SBF2: variants seen among roughly 807,000 people sequenced by gnomAD.
SBF2 encodes myotubularin-related protein 13.
A neutral mutation model predicts 225.2 loss-of-function variants in SBF2; 112 were observed. That is an observed-to-expected ratio of 0.50 (90% CI 0.43 to 0.58). SBF2 has a LOEUF of 0.58. SBF2 is among the 20% of genes least tolerant of loss of function. The probability of loss-of-function intolerance (pLI) is 0.00; values close to 1 mark genes in which losing one functional copy is unlikely to be tolerated. For missense variants in SBF2, 1,996 were observed against 2,206.2 expected, an observed-to-expected ratio of 0.90 and a Z score of 1.91; for synonymous variants, 763 against 773.3, an observed-to-expected ratio of 0.99 and a Z score of 0.22.
In SBF2 at chr11:9,789,135, G is replaced by A; in HGVS notation, c.4906C>T (p.Pro1636Ser). Residue 1636 changes from proline (P) to serine (S), a missense_variant, in exon 35 of 40, where the codon CCT becomes TCT. By Grantham distance (74) the Pro-to-Ser change is moderately conservative. Transcript: ENST00000256190. ...PCYDDVSCTQ[P>S]DALTSLFSEI... The stretch of plus-strand genomic sequence containing the variant: ...CTGAAAAGGCTGGTGAGAGCATCAG[G>A]CTGAGTACAGCTGACATCATCATAG... 1 of 1,614,130 alleles carries A rather than the reference G, an allele frequency of 6.2e-7. No homozygotes were observed. Among genetic ancestry groups the A allele is most frequent in the East Asian group, 2.2e-5 (1 of 44,882 alleles).
intron 16 of SBF2, among the ~76,000 whole-genome samples, chr11:9,905,006 A>G (rs1418276440): frequency 6.6e-6 from 1 of 152,262 alleles, no homozygotes; most frequent in African/African-American, 2.4e-5. Context: ...CCTGGGTGAC[A>G]AAGCAAGACC....
chr11:10,055,334 C>G (rs191471282), intron 2 of SBF2, among the ~76,000 whole-genome samples: 345 of 152,212 alleles, frequency 2.3e-3, no homozygotes, highest in Non-Finnish European at 3.6e-3. Context: ...AGAAATTTCT[C>G]TAAGAACTAA....
chr11:10,036,555 A>C (rs1949447480), intron 3 of SBF2, among the ~76,000 whole-genome samples: 1 of 152,222 alleles, frequency 6.6e-6, no homozygotes, highest in Admixed American at 6.5e-5. Flanking sequence ...TAAGAAAAAT[A>C]ATACAGTAGT....
intron 16 of SBF2, chr11:9,958,978 C>A (rs1309901261): frequency 2.5e-6 from 2 of 792,808 alleles, no homozygotes; most frequent in African/African-American, 3.4e-5. Flanking sequence ...CTGTTGCTTG[C>A]TTAGTTTCTT....
intron 1 of SBF2, among the ~76,000 whole-genome samples, chr11:10,215,964 T>A (rs1322671444): frequency 6.6e-6 from 1 of 152,246 alleles, no homozygotes; most frequent in African/African-American, 2.4e-5. Flanking sequence ...AACTCATTTA[T>A]CTGCTTTTAA....
At chr11:9,811,750 C>G (rs1854198314) in intron 30 of SBF2, among the ~76,000 whole-genome samples, 1 of 149,838 alleles carries the variant, frequency 6.7e-6, no homozygotes, top group South Asian at 2.1e-4. Flanking sequence ...GTCCAATGTG[C>G]TGTGGGAAAC....
intron 2 of SBF2, among the ~76,000 whole-genome samples, chr11:10,143,512 G>A (rs1954747369): frequency 6.6e-6 from 1 of 152,114 alleles, no homozygotes; most frequent in Non-Finnish European, 1.5e-5. Flanking sequence ...ATAATCCCAT[G>A]AGAAACAACA....
chr11:9,955,371 TCC>T (rs1866094360), intron 16 of SBF2, among the ~76,000 whole-genome samples: 1 of 152,060 alleles, frequency 6.6e-6, no homozygotes, highest in South Asian at 2.1e-4. Flanking sequence ...TTATGTAACT[TCC>T]CTTTTGCCTA....
chr11:10,188,348 C>A (rs1267474462), intron 2 of SBF2, among the ~76,000 whole-genome samples: 1 of 152,058 alleles, frequency 6.6e-6, no homozygotes, highest in Non-Finnish European at 1.5e-5. Flanking sequence ...CAGTATGATA[C>A]CATGTAACGA....
chr11:10,291,657 A>AACACACAC (rs10580039), intron 1 of SBF2, among the ~76,000 whole-genome samples: 36 of 146,078 alleles, frequency 2.5e-4, no homozygotes, highest in African/African-American at 8.5e-4. Flanking sequence ...TAATCCACTA[A>AACACACAC]ACACACACAC....
At chr11:10,295,731 A>G (rs1170240247), upstream of SBF2, among the ~76,000 whole-genome samples, 1 of 151,996 alleles carries the variant, frequency 6.6e-6, no homozygotes, top group Non-Finnish European at 1.5e-5. Context: ...TAACAGCCCT[A>G]TTGTTAGAAA....
chr11:10,215,565 G>GT (rs1464189395), intron 1 of SBF2, among the ~76,000 whole-genome samples: 1 of 152,120 alleles, frequency 6.6e-6, no homozygotes, highest in Non-Finnish European at 1.5e-5. Context: ...CAAGGCTGCT[G>GT]TGAGCCGTGA....
intron 2 of SBF2, among the ~76,000 whole-genome samples, chr11:10,063,582 C>A (rs1030464401): frequency 6.6e-6 from 1 of 151,710 alleles, no homozygotes; most frequent in Non-Finnish European, 1.5e-5. Flanking sequence ...TGGTCTCGAT[C>A]TCCTGACCTC....
At chr11:9,823,121 A>AT (rs1272522620) in intron 28 of SBF2, among the ~76,000 whole-genome samples, 1 of 152,204 alleles carries the variant, frequency 6.6e-6, no homozygotes, top group East Asian at 1.9e-4. Flanking sequence ...TTCTCAAGGC[A>AT]TTTTTCTACT....
chr11:10,148,680 GTCC>G (rs1179198981), intron 2 of SBF2, among the ~76,000 whole-genome samples: 1 of 151,848 alleles, frequency 6.6e-6, no homozygotes, highest in Non-Finnish European at 1.5e-5. Context: ...GAAGATATCT[GTCC>G]TGTCTCCCTC....
Position 9,789,188 on chromosome 11 carries a change from C to T in SBF2, c.4853G>A (p.Arg1618Gln), listed in dbSNP as rs770439158. 5.6e-6 allele frequency: 9 copies of T among 1,614,004 alleles called. No homozygotes were observed. Among genetic ancestry groups the T allele is most frequent in the Admixed American group, 3.3e-5 (2 of 60,002 alleles). ...DSDLAGEAGP[R>Q]SQRRTVWPCY... ...TGGCCACACTGTTCTCCTCTGGCTC[C>T]GTGGCCCAGCTTCTCCAGCCAGGTC... Residue 1618 changes from arginine to glutamine, a missense_variant, in exon 35 of 40, where the codon CGG becomes CAG. Arg to Gln is a conservative substitution (Grantham distance 43). Coordinates refer to ENST00000256190, the MANE Select transcript of SBF2 (RefSeq NM_030962.4).
intron 26 of SBF2, among the ~76,000 whole-genome samples, chr11:9,836,091 T>C (rs976511631): frequency 1.3e-5 from 2 of 152,170 alleles, no homozygotes; most frequent in Non-Finnish European, 2.9e-5. Context: ...TCCTTTTTAC[T>C]CTCTTGATGA....
chr11:10,199,422 CAG>C (rs1466941665), intron 1 of SBF2, among the ~76,000 whole-genome samples: 8 of 151,924 alleles, frequency 5.3e-5, no homozygotes, highest in Admixed American at 5.2e-4. Flanking sequence ...AAATGCGACA[CAG>C]AGACACAAAA....
intron 1 of SBF2, among the ~76,000 whole-genome samples, chr11:10,252,585 C>T (rs1015339170): frequency 2.6e-5 from 4 of 152,160 alleles, no homozygotes; most frequent in Admixed American, 1.3e-4. Flanking sequence ...GGGCAGATCA[C>T]GGATCACGAG....
Sources: gnomAD v4.1 joint callset for allele counts (sites outside exome capture counted in the v4.1 genomes callset) on GRCh38, gnomAD v4.1.1 for gene constraint, MANE v1.5 for transcripts, NCBI Gene and HGNC (gene_info 2026-07-23, HGNC 2026-07-21) for gene names.